ST14: variants seen among roughly 807,000 people sequenced by gnomAD.
ST14 encodes ST14 transmembrane serine protease matriptase.
ST14 carries 40 observed loss-of-function variants against 96.5 expected under a neutral mutation model. That is an observed-to-expected ratio of 0.41 (90% CI 0.32 to 0.54). The LOEUF (loss-of-function observed/expected upper bound fraction) is 0.54, where lower values mean the gene tolerates loss of function less well. ST14 is among the 20% of genes least tolerant of loss of function. The probability of loss-of-function intolerance (pLI) is 0.17; values close to 1 mark genes in which losing one functional copy is unlikely to be tolerated. For missense variants in ST14, 1,066 were observed against 1,188.9 expected (o/e 0.90, Z 1.52); for synonymous variants, 506 against 492.1 (o/e 1.03, Z -0.37).
chr11:130,175,475 G>A (rs547413687), intron 1 of ST14, among the ~76,000 whole-genome samples: 6 of 151,940 alleles, frequency 3.9e-5, no homozygotes, highest in Non-Finnish European at 8.8e-5. Context: ...CGTCTCCCAG[G>A]TTCAAGTGAT....
intron 9 of ST14, among the ~76,000 whole-genome samples, chr11:130,194,941 G>A (rs1356325928): frequency 6.6e-6 from 1 of 151,952 alleles, no homozygotes; most frequent in African/African-American, 2.4e-5. Context: ...AGGAAGAGGA[G>A]ATCCTTTATC....
chr11:130,180,034 A>C (rs541160994), intron 1 of ST14, among the ~76,000 whole-genome samples: 1 of 152,316 alleles, frequency 6.6e-6, no homozygotes, highest in Non-Finnish European at 1.5e-5. Context: ...TATGGTTCTC[A>C]TGACCCTGGT....
intron 1 of ST14, among the ~76,000 whole-genome samples, chr11:130,184,854 G>T (rs1953223791): frequency 6.6e-6 from 1 of 152,174 alleles, no homozygotes; most frequent in African/African-American, 2.4e-5. Context: ...TAGTGGCTGG[G>T]TTTAAATCAC....
intron 18 of ST14, 25 bp from the exon 19 acceptor site, chr11:130,209,637 C>A: frequency 6.3e-7 from 1 of 1,583,052 alleles, no homozygotes; most frequent in Non-Finnish European, 8.6e-7. Context: ...ACTGGGGACT[C>A]ACGGCAGGGC....
chr11:130,161,588 C>T (rs1952999358), intron 1 of ST14, among the ~76,000 whole-genome samples: 1 of 152,204 alleles, frequency 6.6e-6, no homozygotes, highest in African/African-American at 2.4e-5. Context: ...CCACTCACCC[C>T]CAGGATCCCA....
At chr11:130,191,441 G>A (rs940316176) in intron 7 of ST14, among the ~76,000 whole-genome samples, 3 of 152,308 alleles carry the variant, frequency 2.0e-5, no homozygotes, top group Middle Eastern at 3.4e-3. Context: ...TGTAAGCCCA[G>A]CACTTTGGGA....
Position 130,189,075 on chromosome 11 carries a change from T to G in ST14, c.440+136T>G, listed in dbSNP as rs544617724. ...GGAGAGCCAAGGAGGGTCCTCGCTG[T>G]GTCCTCCTGTGCGTTACTTGGCAGC... On this transcript the variant is annotated intron_variant, in intron 4 of 18. Transcript: ENST00000278742. 13 of 913,176 alleles carry G rather than the reference T, an allele frequency of 1.4e-5. No individual in the cohort carries two copies. In the East Asian group the frequency reaches 3.2e-4, roughly 22 times the overall value. The allele number at this position is 913,176 out of a possible 1,614,324, so 56.6% of individuals were successfully genotyped here.
chr11:130,175,330 A>G (rs1953126126), intron 1 of ST14, among the ~76,000 whole-genome samples: 1 of 151,850 alleles, frequency 6.6e-6, no homozygotes, highest in South Asian at 2.1e-4. Context: ...TGTTTTTGAA[A>G]TGGAATATCA....
chr11:130,190,385 C>T, intron 6 of ST14, 69 bp from the exon 7 acceptor site: 2 of 1,596,416 alleles, frequency 1.3e-6, no homozygotes, highest in Admixed American at 3.3e-5. Flanking sequence ...CCCACGGGGT[C>T]TCAGGGTCCT....
At chr11:130,165,456 T>G (rs1194817627) in intron 1 of ST14, among the ~76,000 whole-genome samples, 3 of 152,204 alleles carry the variant, frequency 2.0e-5, no homozygotes, top group Non-Finnish European at 2.9e-5. Context: ...TTTGCTTTGT[T>G]AAGAATCTTT....
intron 8 of ST14, 76 bp from the exon 9 acceptor site, chr11:130,194,564 G>A: frequency 2.0e-6 from 3 of 1,483,452 alleles, no homozygotes; most frequent in Non-Finnish European, 2.8e-6. Context: ...CCAGGCCTCA[G>A]GCTGCAGAGC....
intron 1 of ST14, among the ~76,000 whole-genome samples, chr11:130,169,551 G>A (rs1591877378): frequency 1.3e-5 from 2 of 152,288 alleles, no homozygotes; most frequent in Non-Finnish European, 1.5e-5. Context: ...TGACTGTGAT[G>A]CCAGAGACAG....
rs1953532122 is a variant in ST14 at position 130,209,770 on chromosome 11, T to C, written c.2515T>C (p.Tyr839His). ...CGCTCAGAGGAACAAGCCAGGCGTG[T>C]ACACAAGGCTCCCTCTGTTTCGGGA... ...GCAQRNKPGV[Y>H]TRLPLFRDWI... Residue 839 changes from tyrosine (Y) to histidine (H), a missense_variant, in exon 19 of 19, where the codon TAC (tyrosine) becomes CAC (histidine). Transcript: ENST00000278742. The C allele has an allele frequency of 1.2e-6, 2 of 1,613,864 alleles. No individual in the cohort carries two copies. Among genetic ancestry groups the C allele is most frequent in the African/African-American group, 1.3e-5 (1 of 74,912 alleles).
chr11:130,175,859 C>T (rs539988104), intron 1 of ST14, among the ~76,000 whole-genome samples: 11 of 151,980 alleles, frequency 7.2e-5, no homozygotes, highest in African/African-American at 2.4e-4. Flanking sequence ...GACGGAGTTT[C>T]ATCATGTTGG....
chr11:130,168,071 T>C (rs1953057449), intron 1 of ST14, among the ~76,000 whole-genome samples: 1 of 152,254 alleles, frequency 6.6e-6, no homozygotes, highest in Non-Finnish European at 1.5e-5. Flanking sequence ...TTATCTACTT[T>C]TTGAAAAACG....
At chr11:130,169,602 A>T (rs1429704907) in intron 1 of ST14, among the ~76,000 whole-genome samples, 1 of 152,142 alleles carries the variant, frequency 6.6e-6, no homozygotes, top group Non-Finnish European at 1.5e-5. Context: ...CTTAATACTT[A>T]ACGTGAGTAG....
chr11:130,190,707 G>T lies in ST14; in HGVS notation c.875+13G>T, dbSNP rs769598824. The T allele has an allele frequency of 1.3e-6, 2 of 1,560,512 alleles. No individual in the cohort carries two copies. The highest frequency in any genetic ancestry group is 8.7e-7 in the Non-Finnish European group (1 of 1,152,932). ...ACGCCCTGGTGCAGTGAGTACCCCGGGGGGCGGGTAGGGCTGTGGGAGCTT... is the reference window on the plus strand; with the variant it reads ...ACGCCCTGGTGCAGTGAGTACCCCGTGGGGCGGGTAGGGCTGTGGGAGCTT... On this transcript the variant is annotated intron_variant, in intron 7 of 18. Coordinates refer to ENST00000278742, the MANE Select transcript of ST14 (RefSeq NM_021978.4).
intron 4 of ST14, chr11:130,189,243 G>T (rs373238332): frequency 1.9e-6 from 1 of 529,216 alleles, no homozygotes; most frequent in East Asian, 3.3e-5. Flanking sequence ...GGGGAGTTGG[G>T]GTACTCAGGC....
At chr11:130,193,488 T>G (rs1264037155) in intron 7 of ST14, among the ~76,000 whole-genome samples, 1 of 151,900 alleles carries the variant, frequency 6.6e-6, no homozygotes, top group African/African-American at 2.4e-5. Context: ...TTTTTTTTTT[T>G]TCTGACAGTC....
Sources: allele counts gnomAD v4.1 joint callset (sites outside exome capture counted in the v4.1 genomes callset), GRCh38; gene constraint gnomAD v4.1.1; transcripts MANE v1.5; gene names NCBI Gene and HGNC (gene_info 2026-07-23, HGNC 2026-07-21).